NRG1: variants seen among roughly 807,000 people sequenced by gnomAD.
The protein encoded by NRG1 is neuregulin 1, also known as pro-neuregulin-1, membrane-bound isoform.
A neutral mutation model predicts 63.8 loss-of-function variants in NRG1; 18 were observed. The ratio of observed to expected loss-of-function variants is 0.28; its 90% CI spans 0.19 to 0.42. The LOEUF is 0.42. NRG1 is among the 10% of genes least tolerant of loss of function. The pLI is 1.00. For missense variants in NRG1, 762 were observed against 814.7 expected, an observed-to-expected ratio of 0.94 and a Z score of 0.79; for synonymous variants, 302 against 301.3, an observed-to-expected ratio of 1.00 and a Z score of -0.02.
chr8:32,176,294 G>A (rs1409864727), intron 1 of NRG1, among the ~76,000 whole-genome samples: 1 of 152,156 alleles, frequency 6.6e-6, no homozygotes, highest in Admixed American at 6.5e-5. Context: ...GCTGAAACTG[G>A]ATCCCTTCCT....
At chr8:32,332,179 A>G (rs1369784901) in intron 1 of NRG1, among the ~76,000 whole-genome samples, 1 of 152,170 alleles carries the variant, frequency 6.6e-6, no homozygotes, top group Non-Finnish European at 1.5e-5. Flanking sequence ...CAAACCCATA[A>G]GGAGTTCAGC....
intron 1 of NRG1, among the ~76,000 whole-genome samples, chr8:31,899,889 A>G (rs1033547746): frequency 3.3e-5 from 5 of 152,214 alleles, no homozygotes; most frequent in African/African-American, 9.6e-5. Flanking sequence ...GGAAGACTAC[A>G]TTCTTTCTAC....
chr8:31,915,763 C>A (rs1393934830), intron 1 of NRG1, among the ~76,000 whole-genome samples: 3 of 152,062 alleles, frequency 2.0e-5, no homozygotes, highest in African/African-American at 7.2e-5. Context: ...TAATGTTTAG[C>A]AGCTCATTGG....
intron 1 of NRG1, among the ~76,000 whole-genome samples, chr8:31,889,712 G>A (rs1830999116): frequency 6.6e-6 from 1 of 152,184 alleles, no homozygotes. Flanking sequence ...TAAAGCAGGA[G>A]AACTCTGCAA....
At chr8:32,294,378 A>G (rs1854594546) in intron 1 of NRG1, among the ~76,000 whole-genome samples, 1 of 152,216 alleles carries the variant, frequency 6.6e-6, no homozygotes, top group Non-Finnish European at 1.5e-5. Flanking sequence ...GCAGTAGACT[A>G]GAATCTGGTC....
intron 1 of NRG1, among the ~76,000 whole-genome samples, chr8:32,024,027 G>A (rs1816859617): frequency 6.6e-6 from 1 of 152,198 alleles, no homozygotes; most frequent in Admixed American, 6.5e-5. Flanking sequence ...GGTTACACTG[G>A]CTGCTGCCTC....
At chr8:32,194,370 G>T (rs1310334999) in intron 1 of NRG1, among the ~76,000 whole-genome samples, 1 of 152,074 alleles carries the variant, frequency 6.6e-6, no homozygotes, top group Non-Finnish European at 1.5e-5. Flanking sequence ...CTTAACTCTG[G>T]AAAACTCAGA....
chr8:32,649,235 A>T (rs1299899464), intron 5 of NRG1, among the ~76,000 whole-genome samples: 1 of 144,392 alleles, frequency 6.9e-6, no homozygotes, highest in East Asian at 2.0e-4. Context: ...ATAACCTGTG[A>T]TGTGCAGAGA....
chr8:32,337,679 A>AAAAAAAAAAAAAAAAAAAAAAAC (rs1803479177), intron 1 of NRG1, among the ~76,000 whole-genome samples: 1 of 111,502 alleles, frequency 9.0e-6, no homozygotes, highest in Non-Finnish European at 1.9e-5. Flanking sequence ...AAAAAAAAAA[A>AAAAAAAAAAAAAAAAAAAAAAAC]AAAGCTGATG....
intron 1 of NRG1, among the ~76,000 whole-genome samples, chr8:32,022,144 T>G (rs1295040269): frequency 6.6e-6 from 1 of 152,198 alleles, no homozygotes; most frequent in African/African-American, 2.4e-5. Context: ...ATCTCACGAC[T>G]GTTATTTATG....
intron 1 of NRG1, among the ~76,000 whole-genome samples, chr8:32,238,091 GCTAT>G (rs1206120414): frequency 6.6e-6 from 1 of 152,130 alleles, no homozygotes; most frequent in Non-Finnish European, 1.5e-5. Flanking sequence ...TGCTCCAAGG[GCTAT>G]CTGATTCGGT....
chr8:32,223,326 C>A (rs1197468054), intron 1 of NRG1, among the ~76,000 whole-genome samples: 2 of 152,318 alleles, frequency 1.3e-5, no homozygotes, highest in East Asian at 3.9e-4. Flanking sequence ...AGTTCTATTT[C>A]ATTGCATTGC....
chr8:31,660,046 A>G (rs1805818964), intron 1 of NRG1, among the ~76,000 whole-genome samples: 1 of 152,226 alleles, frequency 6.6e-6, no homozygotes, highest in African/African-American at 2.4e-5. Flanking sequence ...TGAGTGGTGA[A>G]GCTGGAATTC....
chr8:32,555,673 G>C (rs528744206), intron 1 of NRG1, among the ~76,000 whole-genome samples: 2 of 152,092 alleles, frequency 1.3e-5, no homozygotes. Flanking sequence ...GGGTTTCACC[G>C]TGTTAGCCAG....
At chr8:32,037,987 A>G (rs1194144789) in intron 1 of NRG1, among the ~76,000 whole-genome samples, 1 of 152,192 alleles carries the variant, frequency 6.6e-6, no homozygotes, top group Non-Finnish European at 1.5e-5. Flanking sequence ...ACAGGAGTGG[A>G]CGGATCTCCT....
At chr8:31,814,737 G>A (rs1038071615) in intron 1 of NRG1, among the ~76,000 whole-genome samples, 1 of 151,106 alleles carries the variant, frequency 6.6e-6, no homozygotes, top group Non-Finnish European at 1.5e-5. Context: ...TATATACTAT[G>A]TCTTCAAAAT....
At chr8:31,703,734 C>T (rs1363716881) in intron 1 of NRG1, among the ~76,000 whole-genome samples, 1 of 152,176 alleles carries the variant, frequency 6.6e-6, no homozygotes, top group Non-Finnish European at 1.5e-5. Flanking sequence ...GCAGCATTCT[C>T]TTCTATTCAT....
At chr8:32,344,742 T>C (rs1804662225) in intron 1 of NRG1, among the ~76,000 whole-genome samples, 3 of 151,738 alleles carry the variant, frequency 2.0e-5, no homozygotes, top group Non-Finnish European at 4.4e-5. Context: ...GCCACCATAT[T>C]TGGCCAAGAA....
At chr8:32,399,038 T>C (rs1300639857) in intron 1 of NRG1, among the ~76,000 whole-genome samples, 1 of 152,192 alleles carries the variant, frequency 6.6e-6, no homozygotes, top group East Asian at 1.9e-4. Flanking sequence ...AACAATGTAG[T>C]ACTTATTGGC....
Sources: allele counts gnomAD v4.1 joint callset (sites outside exome capture counted in the v4.1 genomes callset), GRCh38; gene constraint gnomAD v4.1.1; transcripts MANE v1.5; gene names NCBI Gene and HGNC (gene_info 2026-07-23, HGNC 2026-07-21).